MARCHF4: variants seen among roughly 807,000 people sequenced by gnomAD.
The protein encoded by MARCHF4 is E3 ubiquitin-protein ligase MARCHF4.
In MARCHF4, 14 loss-of-function variants were observed where a neutral mutation model predicts 43.9. That is an observed-to-expected ratio of 0.32 (90% CI 0.21 to 0.50). The LOEUF is 0.50. Among genes scored for constraint, MARCHF4 ranks in the 20% least tolerant of loss-of-function variants. The pLI, the probability that MARCHF4 is intolerant of heterozygous loss-of-function variation, is 0.98. For missense variants in MARCHF4, 468 were observed against 536.7 expected, an observed-to-expected ratio of 0.87 and a Z score of 1.27; for synonymous variants, 226 against 213.3, an observed-to-expected ratio of 1.06 and a Z score of -0.52.
chr2:216,294,344 CA>C (rs1484582834), intron 1 of MARCHF4, among the ~76,000 whole-genome samples: 1 of 152,234 alleles, frequency 6.6e-6, no homozygotes, highest in Non-Finnish European at 1.5e-5. Context: ...TGAAATTCTT[CA>C]AAAATTAATT....
intron 3 of MARCHF4, among the ~76,000 whole-genome samples, chr2:216,264,256 C>T (rs16855800): frequency 0.058 from 8,805 of 152,180 alleles, 348 homozygotes; most frequent in South Asian, 0.17. Flanking sequence ...GAGGATCTAA[C>T]GAAGGGAAGG....
At chr2:216,262,059 G>A (rs1013524178) in intron 3 of MARCHF4, among the ~76,000 whole-genome samples, 1 of 152,182 alleles carries the variant, frequency 6.6e-6, no homozygotes, top group Non-Finnish European at 1.5e-5. Context: ...AGAAAATCAG[G>A]TAGTTCTCAT....
intron 1 of MARCHF4, among the ~76,000 whole-genome samples, chr2:216,347,374 G>A (rs907455689): frequency 2.0e-5 from 3 of 152,162 alleles, no homozygotes; most frequent in African/African-American, 7.2e-5. Context: ...AAAAATGAAA[G>A]CAGGAAGTCA....
At position 216,370,297 on chromosome 2, in the gene MARCHF4, T is replaced by A; in HGVS notation, c.-37A>T. Reference sequence around the variant, plus strand: ...AAGTAGAGAGCCCAAGAGGGGTGGCTGGAGTCTTAAAAGAGGGGGACAGGA... The same window carrying A: ...AAGTAGAGAGCCCAAGAGGGGTGGCAGGAGTCTTAAAAGAGGGGGACAGGA... On this transcript the variant is annotated 5_prime_UTR_variant, in exon 1 of 4. Coordinates refer to ENST00000273067, the MANE Select transcript of MARCHF4 (RefSeq NM_020814.3). The A allele has an allele frequency of 6.5e-7, 1 of 1,533,474 alleles. No homozygotes were observed. Among genetic ancestry groups the A allele is most frequent in the Non-Finnish European group, 8.8e-7 (1 of 1,137,856 alleles). The allele number at this position is 1,533,474 out of a possible 1,614,324, so 95.0% of individuals were successfully genotyped here. A position where few individuals can be genotyped will look rare whatever the true frequency, so the allele number is the denominator to read the frequency against.
intron 1 of MARCHF4, among the ~76,000 whole-genome samples, chr2:216,337,253 T>C (rs990555177): frequency 1.4e-4 from 21 of 152,128 alleles, no homozygotes; most frequent in African/African-American, 5.1e-4. Flanking sequence ...CAGTAAAATA[T>C]TAAAGACAAG....
chr2:216,262,829 A>G (rs918403784), intron 3 of MARCHF4, among the ~76,000 whole-genome samples: 5 of 152,252 alleles, frequency 3.3e-5, no homozygotes, highest in Non-Finnish European at 5.9e-5. Flanking sequence ...TTTTAAATTA[A>G]TATAATGCCC....
chr2:216,277,637 C>T, intron 3 of MARCHF4, 35 bp downstream of exon 3: 12 of 1,557,342 alleles, frequency 7.7e-6, no homozygotes, highest in Non-Finnish European at 8.8e-6. Flanking sequence ...GCACATGGTT[C>T]CCCACTTCCC....
At chr2:216,354,232 T>C (rs1692446569) in intron 1 of MARCHF4, among the ~76,000 whole-genome samples, 2 of 152,156 alleles carry the variant, frequency 1.3e-5, no homozygotes, top group Admixed American at 1.3e-4. Flanking sequence ...TGAAATGCGG[T>C]GAGAGAGAGA....
At chr2:216,332,876 T>C in intron 1 of MARCHF4, among the ~76,000 whole-genome samples, 1 of 152,224 alleles carries the variant, frequency 6.6e-6, no homozygotes, top group African/African-American at 2.4e-5. Context: ...ACACAATTAC[T>C]TGATTTATGA....
chr2:216,340,420 C>G (rs144399412), intron 1 of MARCHF4, among the ~76,000 whole-genome samples: 1 of 152,342 alleles, frequency 6.6e-6, no homozygotes, highest in East Asian at 1.9e-4. Context: ...CCTCCTGCAG[C>G]CTTCTGAGGC....
chr2:216,369,615 A>G (rs751070914), intron 1 of MARCHF4, 130 bp downstream of exon 1: 44 of 695,754 alleles, frequency 6.3e-5, no homozygotes, highest in South Asian at 1.7e-4. Flanking sequence ...AGAAACATCA[A>G]TGAGGGCTCT....
chr2:216,327,585 C>T (rs1365495991), intron 1 of MARCHF4, among the ~76,000 whole-genome samples: 2 of 152,150 alleles, frequency 1.3e-5, no homozygotes, highest in African/African-American at 2.4e-5. Context: ...CCTGTTTCAG[C>T]GCTTAGCAAC....
intron 1 of MARCHF4, among the ~76,000 whole-genome samples, chr2:216,300,864 C>T (rs556209539): frequency 7.9e-5 from 12 of 152,172 alleles, no homozygotes; most frequent in Non-Finnish European, 1.8e-4. Flanking sequence ...GTGAAATGAC[C>T]TCTTGGCTTT....
chr2:216,279,712 C>T (rs1009671251), intron 2 of MARCHF4, among the ~76,000 whole-genome samples: 2 of 152,182 alleles, frequency 1.3e-5, no homozygotes, highest in Admixed American at 6.5e-5. Flanking sequence ...AGGACATCAG[C>T]GTCTACATTT....
rs1691055408 is a variant in MARCHF4, at chr2:216,277,955, TC to T, written c.673-92del. The T allele has an allele frequency of 9.6e-6, 12 of 1,255,684 alleles. No homozygotes were observed. The East Asian group carries it at 2.9e-4, about 31-fold the overall frequency. The allele number at this position is 1,255,684 out of a possible 1,614,324, so 77.8% of individuals were successfully genotyped here. ...CTGTCTGCTGCTCCAACAGCTCACC[TC>T]TGATTTAGGATTTAAGCCAGGGCTT... On this transcript the variant is annotated intron_variant, in intron 2 of 3. Transcript: ENST00000273067.
At chr2:216,368,075 T>C (rs986634299) in intron 1 of MARCHF4, among the ~76,000 whole-genome samples, 1 of 152,188 alleles carries the variant, frequency 6.6e-6, no homozygotes, top group South Asian at 2.1e-4. Context: ...TGCTGTTTTC[T>C]AGAGACAAGA....
intron 1 of MARCHF4, among the ~76,000 whole-genome samples, chr2:216,356,258 C>T (rs917547912): frequency 1.3e-5 from 2 of 152,226 alleles, no homozygotes; most frequent in African/African-American, 4.8e-5. Context: ...GGGAAACTTT[C>T]CTGGCCCCTC....
chr2:216,334,413 C>CT (rs142216823), intron 1 of MARCHF4, among the ~76,000 whole-genome samples: 2,391 of 149,208 alleles, frequency 0.016, 26 homozygotes, highest in Middle Eastern at 0.024. Context: ...ATGCTAACAT[C>CT]TTTTTTTTTT....
At chr2:216,316,337 T>C (rs1691775570) in intron 1 of MARCHF4, among the ~76,000 whole-genome samples, 1 of 152,184 alleles carries the variant, frequency 6.6e-6, no homozygotes, top group Non-Finnish European at 1.5e-5. Context: ...GGTCCCTGCC[T>C]GCTCACGCCC....
Sources: allele counts gnomAD v4.1 joint callset (sites outside exome capture counted in the v4.1 genomes callset), GRCh38; gene constraint gnomAD v4.1.1; transcripts MANE v1.5; gene names NCBI Gene and HGNC (gene_info 2026-07-23, HGNC 2026-07-21).